The following CSMD1 variants were observed in gnomAD, a reference collection of about 807,000 sequenced individuals.
CSMD1 encodes the protein CUB and Sushi multiple domains 1, also known as CUB and sushi domain-containing protein 1.
A neutral mutation model predicts 417.5 loss-of-function variants in CSMD1; 213 were observed. That is an observed-to-expected ratio of 0.51 (90% CI 0.46 to 0.57). The LOEUF (loss-of-function observed/expected upper bound fraction) is 0.57, where lower values mean the gene tolerates loss of function less well. Ranked by LOEUF, CSMD1 falls within the 20% of genes least tolerant of loss-of-function variation. The pLI is 0.00. For missense variants in CSMD1, 6,923 were observed against 4,529.7 expected (o/e 1.53, Z -15.17); for synonymous variants, 2,862 against 1,736.8 (o/e 1.65, Z -16.11).
At chr8:3,019,951 GTGCT>G (rs1809218356) in intron 51 of CSMD1, among the ~76,000 whole-genome samples, 1 of 152,250 alleles carries the variant, frequency 6.6e-6, no homozygotes, top group Non-Finnish European at 1.5e-5. Context: ...AGCATTAAGA[GTGCT>G]AGGTGAGCAC....
chr8:3,997,854 C>T (rs534229246), intron 5 of CSMD1, 49 bp downstream of exon 5: 11 of 1,465,642 alleles, frequency 7.5e-6, no homozygotes, highest in East Asian at 4.7e-5. Flanking sequence ...GGGGAAAAAA[C>T]GGGGAAAACA....
chr8:4,017,987 G>C (rs934917652), intron 4 of CSMD1, among the ~76,000 whole-genome samples: 1 of 152,116 alleles, frequency 6.6e-6, no homozygotes. Context: ...GTTGCATTTT[G>C]ATTAATTGCT....
chr8:3,392,577 G>C (rs1811415592), intron 17 of CSMD1, among the ~76,000 whole-genome samples: 1 of 152,014 alleles, frequency 6.6e-6, no homozygotes, highest in South Asian at 2.1e-4. Context: ...TTGCCTGTGG[G>C]TTTTCTCTCT....
chr8:4,280,442 A>G (rs1481694469), intron 3 of CSMD1, among the ~76,000 whole-genome samples: 1 of 152,228 alleles, frequency 6.6e-6, no homozygotes, highest in African/African-American at 2.4e-5. Flanking sequence ...GCGACCGGAT[A>G]CCAATCTGAG....
At chr8:4,106,221 C>T (rs1036256976) in intron 3 of CSMD1, among the ~76,000 whole-genome samples, 2 of 152,140 alleles carry the variant, frequency 1.3e-5, no homozygotes, top group African/African-American at 4.8e-5. Context: ...AGCATTGGGT[C>T]AGGGAGTGAT....
intron 37 of CSMD1, among the ~76,000 whole-genome samples, chr8:3,179,566 C>T (rs1821181967): frequency 6.6e-6 from 1 of 152,120 alleles, no homozygotes; most frequent in Non-Finnish European, 1.5e-5. Flanking sequence ...AAGTGCATAT[C>T]TCACTGTATA....
chr8:4,359,918 C>A (rs1295066655), intron 3 of CSMD1, among the ~76,000 whole-genome samples: 1 of 152,190 alleles, frequency 6.6e-6, no homozygotes, highest in African/African-American at 2.4e-5. Context: ...TTTAAAACAT[C>A]AACGTTCAGT....
At chr8:3,709,798 G>C (rs1801403610) in intron 6 of CSMD1, among the ~76,000 whole-genome samples, 1 of 143,354 alleles carries the variant, frequency 7.0e-6, no homozygotes, top group African/African-American at 2.6e-5. Context: ...CTTCGGTCTT[G>C]TCAGCTTCAT....
intron 7 of CSMD1, among the ~76,000 whole-genome samples, chr8:3,629,226 G>A (rs1297780187): frequency 6.6e-6 from 1 of 152,088 alleles, no homozygotes; most frequent in African/African-American, 2.4e-5. Context: ...AGAAAATCCA[G>A]GTCAGTTACT....
intron 1 of CSMD1, among the ~76,000 whole-genome samples, chr8:4,682,104 C>T (rs377462733): frequency 2.7e-4 from 41 of 152,214 alleles, no homozygotes; most frequent in Admixed American, 5.2e-4. Flanking sequence ...CTGCAACCTC[C>T]GCCTCCTGGG....
At chr8:3,121,661 C>G (rs144850878) in intron 41 of CSMD1, among the ~76,000 whole-genome samples, 67 of 152,212 alleles carry the variant, frequency 4.4e-4, no homozygotes, top group African/African-American at 1.6e-3. Flanking sequence ...AGGCTGGGAG[C>G]AGTGACTCAT....
At chr8:3,581,426 C>T (rs1269889795) in intron 9 of CSMD1, among the ~76,000 whole-genome samples, 1 of 152,138 alleles carries the variant, frequency 6.6e-6, no homozygotes, top group Non-Finnish European at 1.5e-5. Context: ...GGTAATGTTG[C>T]CCCCCGTTCT....
intron 1 of CSMD1, among the ~76,000 whole-genome samples, chr8:4,757,241 G>T (rs867335328): frequency 1.3e-5 from 2 of 152,144 alleles, no homozygotes; most frequent in Non-Finnish European, 1.5e-5. Context: ...AAAACAACTT[G>T]CAATTGACTA....
At chr8:4,394,089 T>C (rs932816471) in intron 3 of CSMD1, among the ~76,000 whole-genome samples, 7 of 152,168 alleles carry the variant, frequency 4.6e-5, no homozygotes, top group African/African-American at 1.7e-4. Context: ...TCCTCAATCC[T>C]CTCAGAGCAC....
At chr8:4,474,666 G>T (rs571114052) in intron 2 of CSMD1, among the ~76,000 whole-genome samples, 10 of 152,066 alleles carry the variant, frequency 6.6e-5, no homozygotes, top group Non-Finnish European at 8.8e-5. Flanking sequence ...CACAGTTGAC[G>T]TTGAACAACA....
At chr8:4,031,118 C>A (rs1430192497) in intron 4 of CSMD1, among the ~76,000 whole-genome samples, 1 of 152,184 alleles carries the variant, frequency 6.6e-6, no homozygotes, top group Middle Eastern at 3.2e-3. Flanking sequence ...CCTTCTGAGT[C>A]CTCCAAACTG....
chr8:4,395,898 T>G lies in CSMD1; in HGVS notation c.415+24055A>C, dbSNP rs181147120. ...TCGGTAGTGTATCTAGAAACACATA[T>G]AAGTGTAATTGTAAGTCTGACAGTT... On this transcript the variant is annotated intron_variant, in intron 3 of 69. Transcript: ENST00000635120. 2.3e-3 allele frequency among the ~76,000 whole-genome samples: 357 copies of G among 152,142 alleles called. 2 individuals carry two copies. The highest frequency in any genetic ancestry group is 3.8e-3 in the Non-Finnish European group (258 of 68,016).
intron 42 of CSMD1, among the ~76,000 whole-genome samples, chr8:3,113,920 A>G (rs1816692987): frequency 6.6e-6 from 1 of 152,166 alleles, no homozygotes; most frequent in African/African-American, 2.4e-5. Flanking sequence ...TATTACATCA[A>G]ATTAAAATTA....
chr8:3,373,131 C>T lies in CSMD1; in HGVS notation c.2783-3761G>A, dbSNP rs1390766494. On this transcript the variant is annotated intron_variant, in intron 18 of 69. Transcript: ENST00000635120. ...TCCCAAAATCTGCATGTTATATAAA[C>T]TGATAAAATTAATTCATATCCAACT... Among the ~76,000 whole-genome samples the T allele has an allele frequency of 2.0e-5, 3 of 152,182 alleles. No homozygotes were observed. The East Asian group carries it at 5.8e-4, about 29-fold the overall frequency.
Sources: allele counts gnomAD v4.1 joint callset (sites outside exome capture counted in the v4.1 genomes callset), GRCh38; gene constraint gnomAD v4.1.1; transcripts MANE v1.5; gene names NCBI Gene and HGNC (gene_info 2026-07-23, HGNC 2026-07-21).